The following RTN4 variants were observed in gnomAD, a reference collection of about 807,000 sequenced individuals.
RTN4 encodes the protein reticulon-4.
RTN4 carries 32 observed loss-of-function variants against 90.4 expected under a neutral mutation model. That is an observed-to-expected ratio of 0.35 (90% confidence interval 0.27 to 0.48). The LOEUF is 0.48. Ranked by LOEUF, RTN4 falls within the 20% of genes least tolerant of loss-of-function variation. The pLI, the probability that RTN4 is intolerant of heterozygous loss-of-function variation, is 0.99. For missense variants in RTN4, 1,706 were observed against 1,430.2 expected (o/e 1.19, Z -3.11); for synonymous variants, 629 against 552.5 (o/e 1.14, Z -1.94).
At position 54,974,775 on chromosome 2, in the gene RTN4, A is replaced by G. The variant is rs751275360; in HGVS notation, c.3361-11T>C. 2 of 1,610,382 alleles carry G rather than the reference A, an allele frequency of 1.2e-6. No individual in the cohort carries two copies. Among genetic ancestry groups the G allele is most frequent in the African/African-American group, 2.7e-5 (2 of 74,868 alleles). ...CATCAACACTGCAAACTATAAGAAA[A>G]TAACATTAGCCCATTATAAACAAAA... On this transcript the variant is annotated splice_polypyrimidine_tract_variant and intron_variant, in intron 5 of 8. Coordinates refer to ENST00000337526, the MANE Select transcript of RTN4 (RefSeq NM_020532.5).
intron 1 of RTN4, among the ~76,000 whole-genome samples, chr2:55,089,998 G>C (rs1366832710): frequency 2.0e-5 from 3 of 152,232 alleles, no homozygotes; most frequent in African/African-American, 7.2e-5. Flanking sequence ...AATTGTTAAA[G>C]TTGAGAAAGG....
At chr2:55,109,257 G>C (rs942280027) in intron 1 of RTN4, among the ~76,000 whole-genome samples, 1 of 152,084 alleles carries the variant, frequency 6.6e-6, no homozygotes, top group Non-Finnish European at 1.5e-5. Flanking sequence ...CCAGCAAGTG[G>C]ATGCCTGCAT....
chr2:55,119,015 G>A, the RTN4 span, among the ~76,000 whole-genome samples: 3 of 152,228 alleles, frequency 2.0e-5, no homozygotes, highest in Non-Finnish European at 4.4e-5. Context: ...GAGATATCGG[G>A]GGAAGAATTC....
chr2:55,111,717 G>A (rs1326280881), intron 1 of RTN4, among the ~76,000 whole-genome samples: 2 of 152,178 alleles, frequency 1.3e-5, no homozygotes, highest in African/African-American at 2.4e-5. Context: ...AAGCCCAACT[G>A]TAGGGGCCAT....
At chr2:55,039,771 C>T (rs1377938269) in intron 1 of RTN4, among the ~76,000 whole-genome samples, 2 of 152,176 alleles carry the variant, frequency 1.3e-5, no homozygotes, top group Admixed American at 6.5e-5. Flanking sequence ...AAGAGTGAAA[C>T]TCCATCTCTA....
At chr2:55,041,165 T>C (rs2104940281) in intron 1 of RTN4, among the ~76,000 whole-genome samples, 1 of 151,552 alleles carries the variant, frequency 6.6e-6, no homozygotes, top group South Asian at 2.1e-4. Flanking sequence ...GAGAGCCAAA[T>C]ACCTGTATAA....
At chr2:55,009,634 T>A (rs1217057778) in intron 3 of RTN4, among the ~76,000 whole-genome samples, 1 of 152,222 alleles carries the variant, frequency 6.6e-6, no homozygotes, top group African/African-American at 2.4e-5. Flanking sequence ...AAATCAGATT[T>A]TCAAAGAAGA....
At chr2:55,004,072 GA>G (rs369349833) in intron 3 of RTN4, among the ~76,000 whole-genome samples, 157 of 152,212 alleles carry the variant, frequency 1.0e-3, no homozygotes, top group African/African-American at 3.3e-3. Context: ...CCTGAAAGAT[GA>G]AAAGAAATTA....
chr2:55,084,042 AT>A (rs1668789951), intron 1 of RTN4, among the ~76,000 whole-genome samples: 1 of 152,230 alleles, frequency 6.6e-6, no homozygotes, highest in East Asian at 1.9e-4. Context: ...CCAACCCATG[AT>A]TAAAAGTTTG....
intron 3 of RTN4, among the ~76,000 whole-genome samples, chr2:55,011,843 T>TA (rs377245802): frequency 1.0e-3 from 158 of 152,286 alleles, no homozygotes; most frequent in African/African-American, 3.6e-3. Flanking sequence ...AAGTAATTTT[T>TA]AAAAGAGCCC....
chr2:55,085,343 A>G (rs12467742), intron 1 of RTN4, among the ~76,000 whole-genome samples: 1 of 151,848 alleles, frequency 6.6e-6, no homozygotes, highest in Non-Finnish European at 1.5e-5. Context: ...AAGGAGAGAG[A>G]GGTAGATAAA....
rs71769973 is a variant in RTN4, at chr2:54,985,153, CTTTTTTTTTTTTT to C, written c.3221+2325_3221+2337del. ...TGGCTTGATAATAATATGACTCGGC[CTTTTTTTTTTTTT>C]TTTTTTTTTTTTTGAAAGAGTCTCG... On this transcript the variant is annotated intron_variant, in intron 4 of 8. Transcript: ENST00000337526. Among the ~76,000 whole-genome samples the C allele has an allele frequency of 3.5e-4, 20 of 57,894 alleles. No homozygotes were observed. In the East Asian group the frequency reaches 7.8e-3, roughly 22 times the overall value. 38.0% of individuals were successfully genotyped at this position (57,894 alleles called of 152,430 possible).
intron 4 of RTN4, among the ~76,000 whole-genome samples, chr2:54,986,295 T>C (rs1265661707): frequency 1.3e-5 from 2 of 152,232 alleles, no homozygotes; most frequent in Non-Finnish European, 1.5e-5. Flanking sequence ...TACAAGTCAA[T>C]GTAGTAACAA....
At chr2:55,017,681 C>A (rs1165816755) in intron 3 of RTN4, among the ~76,000 whole-genome samples, 1 of 152,132 alleles carries the variant, frequency 6.6e-6, no homozygotes, top group Non-Finnish European at 1.5e-5. Context: ...CTTTCTGTAC[C>A]AATGGCCTAC....
the RTN4 span, among the ~76,000 whole-genome samples, chr2:55,128,768 C>T: frequency 2.0e-5 from 3 of 151,604 alleles, no homozygotes; most frequent in Non-Finnish European, 4.4e-5. Context: ...ATTCAGTATA[C>T]CAGCAATCCC....
upstream of RTN4, among the ~76,000 whole-genome samples, chr2:55,113,250 G>A (rs1668069400): frequency 6.6e-6 from 1 of 152,208 alleles, no homozygotes; most frequent in Non-Finnish European, 1.5e-5. Context: ...GGTGGGAAAA[G>A]GTGTATTCTC....
chr2:54,997,711 AT>A (rs966885812), intron 3 of RTN4, among the ~76,000 whole-genome samples: 2 of 152,180 alleles, frequency 1.3e-5, no homozygotes, highest in African/African-American at 4.8e-5. Context: ...CCTTACCTGC[AT>A]TTTCCCTTTC....
chr2:55,035,532 G>C (rs774729475), intron 1 of RTN4, among the ~76,000 whole-genome samples: 6 of 151,992 alleles, frequency 3.9e-5, no homozygotes, highest in Non-Finnish European at 8.8e-5. Flanking sequence ...TAAAATCGAA[G>C]TGTAAAGCTT....
intron 1 of RTN4, among the ~76,000 whole-genome samples, chr2:55,045,707 T>C (rs561814520): frequency 2.6e-5 from 4 of 152,352 alleles, no homozygotes; most frequent in Non-Finnish European, 5.9e-5. Context: ...CAAGGGCAAC[T>C]GGATAGCAGA....
Sources: gnomAD v4.1 joint callset for allele counts (sites outside exome capture counted in the v4.1 genomes callset) on GRCh38, gnomAD v4.1.1 for gene constraint, MANE v1.5 for transcripts, NCBI Gene and HGNC (gene_info 2026-07-23, HGNC 2026-07-21) for gene names.